The following TMTC2 variants were observed in gnomAD, a reference collection of about 807,000 sequenced individuals.
TMTC2 encodes protein O-mannosyl-transferase TMTC2.
Under a neutral mutation model 82.4 loss-of-function variants are expected in TMTC2, and 43 were observed. The ratio of observed to expected loss-of-function variants is 0.52; its 90% CI spans 0.41 to 0.67. TMTC2 has a LOEUF of 0.67. Ranked by LOEUF, TMTC2 falls within the 30% of genes least tolerant of loss-of-function variation. The pLI is 0.00. For missense variants in TMTC2, 919 were observed against 1,012.4 expected (o/e 0.91, Z 1.25); for synonymous variants, 408 against 381.9 (o/e 1.07, Z -0.80).
At chr12:83,033,981 A>G (rs1881561804) in intron 9 of TMTC2, among the ~76,000 whole-genome samples, 1 of 151,158 alleles carries the variant, frequency 6.6e-6, no homozygotes, top group Admixed American at 6.6e-5. Flanking sequence ...ATATTGGCAA[A>G]TAGAGACATA....
Position 82,997,354 on chromosome 12 carries a change from A to G in TMTC2, c.2070+11308A>G, listed in dbSNP as rs55964349. Among the ~76,000 whole-genome samples, 5 of 28,906 alleles carry G rather than the reference A, an allele frequency of 1.7e-4. 1 individual carries two copies. The highest frequency in any genetic ancestry group is 3.1e-4 in the African/African-American group (3 of 9,582). 19.0% of individuals were successfully genotyped at this position (28,906 alleles called of 152,430 possible). ...TGTGTGTGTGTGTGTGTGTGTATAT[A>G]TATATATATATGTGTATATATATAT... On this transcript the variant is annotated intron_variant, in intron 8 of 11. Transcript: ENST00000321196.
intron 1 of TMTC2, among the ~76,000 whole-genome samples, chr12:82,781,928 G>A (rs1474725289): frequency 6.6e-6 from 1 of 151,866 alleles, no homozygotes; most frequent in African/African-American, 2.4e-5. Flanking sequence ...ACCAGTTGCT[G>A]TTTACAACTG....
chr12:82,971,374 G>A (rs571405430), intron 7 of TMTC2, among the ~76,000 whole-genome samples: 2 of 152,148 alleles, frequency 1.3e-5, no homozygotes, highest in South Asian at 4.1e-4. Flanking sequence ...TGAAACAGCT[G>A]CAAAGTACAT....
chr12:82,919,438 A>T (rs1011750365), intron 3 of TMTC2, among the ~76,000 whole-genome samples: 4 of 152,210 alleles, frequency 2.6e-5, no homozygotes, highest in Non-Finnish European at 5.9e-5. Context: ...TGTCCTTCTT[A>T]TAATGCAAAA....
At chr12:82,956,120 A>T (rs967381596) in intron 4 of TMTC2, among the ~76,000 whole-genome samples, 35 of 152,274 alleles carry the variant, frequency 2.3e-4, no homozygotes, top group African/African-American at 8.2e-4. Flanking sequence ...AACTGCTACC[A>T]AAAACACACT....
chr12:82,878,267 C>G (rs1199324019), intron 2 of TMTC2, among the ~76,000 whole-genome samples: 1 of 152,196 alleles, frequency 6.6e-6, no homozygotes, highest in Non-Finnish European at 1.5e-5. Context: ...GTGAAACTCA[C>G]TTCTGTAAGT....
intron 11 of TMTC2, among the ~76,000 whole-genome samples, chr12:83,126,813 T>C (rs899940780): frequency 5.9e-5 from 9 of 152,100 alleles, no homozygotes; most frequent in Admixed American, 2.0e-4. Flanking sequence ...TTTTTTTTCC[T>C]GAAGCTTAAC....
chr12:82,925,071 G>A (rs1875621429), intron 3 of TMTC2, among the ~76,000 whole-genome samples: 1 of 152,014 alleles, frequency 6.6e-6, no homozygotes, highest in South Asian at 2.1e-4. Flanking sequence ...TCCTTATGTG[G>A]CATCAGCAGT....
intron 1 of TMTC2, among the ~76,000 whole-genome samples, chr12:82,846,491 T>G (rs1592570054): frequency 6.6e-6 from 1 of 152,242 alleles, no homozygotes; most frequent in East Asian, 1.9e-4. Context: ...TGAGTTTAGC[T>G]GCAGCTGGGG....
intron 9 of TMTC2, among the ~76,000 whole-genome samples, chr12:83,042,896 G>C (rs1592712625): frequency 6.6e-6 from 1 of 152,112 alleles, no homozygotes; most frequent in Admixed American, 6.6e-5. Context: ...AACAAATCCA[G>C]GGCCTCCCAG....
chr12:82,786,361 C>G (rs1425919065), intron 1 of TMTC2, among the ~76,000 whole-genome samples: 1 of 152,060 alleles, frequency 6.6e-6, no homozygotes, highest in Non-Finnish European at 1.5e-5. Flanking sequence ...GGAAAGGTAT[C>G]ACAAGGTATA....
chr12:83,002,542 A>G (rs1296435401), intron 8 of TMTC2, among the ~76,000 whole-genome samples: 1 of 152,128 alleles, frequency 6.6e-6, no homozygotes, highest in Non-Finnish European at 1.5e-5. Context: ...TGATATAGGC[A>G]TTTAGCACTG....
At chr12:82,703,795 A>G (rs1237181616) in intron 1 of TMTC2, among the ~76,000 whole-genome samples, 1 of 152,166 alleles carries the variant, frequency 6.6e-6, no homozygotes, top group Non-Finnish European at 1.5e-5. Context: ...CCAAAGATAG[A>G]TAGTTTCAAT....
chr12:82,853,260 G>C (rs1012067341), intron 1 of TMTC2, among the ~76,000 whole-genome samples: 2 of 152,196 alleles, frequency 1.3e-5, no homozygotes, highest in South Asian at 4.2e-4. Flanking sequence ...CTGCCACCAT[G>C]CCTGCCTAAT....
rs187234515 is a variant in TMTC2, at chr12:82,944,400, C to T, written c.1598+13855C>T. Among the ~76,000 whole-genome samples, 54 of 151,566 alleles carry T rather than the reference C, an allele frequency of 3.6e-4. 1 individual carries two copies. The East Asian group carries it at 5.7e-3, about 16-fold the overall frequency. On this transcript the variant is annotated intron_variant, in intron 4 of 11. Coordinates refer to ENST00000321196, the MANE Select transcript of TMTC2 (RefSeq NM_152588.3). The stretch of plus-strand genomic sequence containing the variant: ...GAGATCGAGAACATCCTGGCTAACA[C>T]GGTGAAACCCCATCTCTACTAAAAA...
chr12:82,743,428 C>T (rs1249329793), intron 1 of TMTC2, among the ~76,000 whole-genome samples: 1 of 139,558 alleles, frequency 7.2e-6, no homozygotes, highest in East Asian at 2.1e-4. Flanking sequence ...ACCTGGGCTA[C>T]AGAGCGAGAC....
At chr12:82,786,851 A>G (rs1217011893) in intron 1 of TMTC2, among the ~76,000 whole-genome samples, 2 of 152,170 alleles carry the variant, frequency 1.3e-5, no homozygotes, top group African/African-American at 4.8e-5. Flanking sequence ...TGTTTTTGTT[A>G]GAACATTTTT....
chr12:82,705,277 C>T (rs1873295840), intron 1 of TMTC2, among the ~76,000 whole-genome samples: 1 of 152,128 alleles, frequency 6.6e-6, no homozygotes, highest in South Asian at 2.1e-4. Flanking sequence ...TCACACATCA[C>T]CACTAAAGAA....
intron 1 of TMTC2, among the ~76,000 whole-genome samples, chr12:82,751,806 G>A (rs1421172257): frequency 6.6e-6 from 1 of 152,100 alleles, no homozygotes; most frequent in Non-Finnish European, 1.5e-5. Flanking sequence ...ATCTGGAATT[G>A]TATGTTGTGT....
Sources: allele counts gnomAD v4.1 joint callset (sites outside exome capture counted in the v4.1 genomes callset), GRCh38; gene constraint gnomAD v4.1.1; transcripts MANE v1.5; gene names NCBI Gene and HGNC (gene_info 2026-07-23, HGNC 2026-07-21).